Variants in ZIK1 observed in about 807,000 individuals in gnomAD.
ZIK1 encodes zinc finger protein interacting with K protein 1.
A neutral mutation model predicts 10.7 loss-of-function variants in ZIK1; 12 were observed. The observed-to-expected ratio is 1.12, with a 90% CI of 0.72 to 1.81. The LOEUF is 1.81. Among genes scored for constraint, ZIK1 ranks in the 40% most tolerant of loss-of-function variants. The probability of loss-of-function intolerance (pLI) is 0.00; values close to 1 mark genes in which losing one functional copy is unlikely to be tolerated. For missense variants in ZIK1, 497 were observed against 585.7 expected (o/e 0.85, Z 1.56); for synonymous variants, 190 against 205.0 (o/e 0.93, Z 0.63).
Position 57,591,742 on chromosome 19 carries a change from T to A in ZIK1, c.*467T>A, listed in dbSNP as rs1423588234. On this transcript the variant is annotated 3_prime_UTR_variant, in exon 4 of 4. Transcript: ENST00000597850. The stretch of plus-strand genomic sequence containing the variant: ...CTTGGTCTCACATGACACTTGGTCA[T>A]TCTTCCAGCCTCCATGTCACCACGT... 2 of 158,388 alleles carry A rather than the reference T, an allele frequency of 1.3e-5. No homozygotes were observed. Among genetic ancestry groups the A allele is most frequent in the Non-Finnish European group, 2.8e-5 (2 of 71,812 alleles). 9.8% of individuals were successfully genotyped at this position (158,388 alleles called of 1,614,324 possible).
At chr19:57,589,866 G>A (rs2123426791) in intron 3 of ZIK1, 145 bp from the exon 4 acceptor site, 2 of 1,148,532 alleles carry the variant, frequency 1.7e-6, no homozygotes, top group Middle Eastern at 3.0e-4. Context: ...ATCCAGTATT[G>A]CAAAGCAACC....
intron 2 of ZIK1, 111 bp downstream of exon 2, chr19:57,585,101 G>T: frequency 1.0e-6 from 1 of 979,498 alleles, no homozygotes. Context: ...TTCACAAACT[G>T]GAAGCTTGAC....
Position 57,590,394 on chromosome 19 carries a change from G to T in ZIK1, c.583G>T (p.Gly195Cys). 1 of 1,614,152 alleles carries T rather than the reference G, an allele frequency of 6.2e-7. No individual in the cohort carries two copies. Among genetic ancestry groups the T allele is most frequent in the South Asian group, 1.1e-5 (1 of 91,084 alleles). The change falls in exon 4 of 4, where the codon GGC (glycine) becomes TGC (cysteine). Residue 195 changes from glycine (G) to cysteine (C), a missense_variant. Transcript: ENST00000597850. Reference sequence around the variant, plus strand: ...GGTCTTTCCTGGAGGCAAGAAACCCGGCACAATTACTGAATGTGGGGAGGA... The same window carrying T: ...GGTCTTTCCTGGAGGCAAGAAACCCTGCACAATTACTGAATGTGGGGAGGA... ...SLVFPGGKKP[G>C]TITECGEDIR...
At position 57,590,443 on chromosome 19, in the gene ZIK1, A is replaced by G. The variant is rs541875677; in HGVS notation, c.632A>G (p.Tyr211Cys). The G allele has an allele frequency of 3.1e-6, 5 of 1,614,168 alleles. No individual in the cohort carries two copies. Among genetic ancestry groups the G allele is most frequent in the African/African-American group, 2.7e-5 (2 of 75,046 alleles). ...GEDIRSQKSHYKSGECGKASR... is the reference protein window; with the variant it reads ...GEDIRSQKSHCKSGECGKASR... ...GACATTCGCAGTCAAAAAAGTCATT[A>G]CAAGTCAGGTGAATGTGGGAAGGCT... Residue 211 changes from tyrosine (Y) to cysteine (C), a missense_variant, in exon 4 of 4, where the codon TAC becomes TGC. Transcript: ENST00000597850.
chr19:57,589,314 G>A (rs936906923), intron 3 of ZIK1: 11 of 985,200 alleles, frequency 1.1e-5, no homozygotes, highest in South Asian at 9.4e-5. Context: ...CATGATATCC[G>A]GGCTGTTTTC....
Position 57,590,583 on chromosome 19 carries a change from C to CAG in ZIK1, c.777_778dup (p.Val260GlufsTer24). ...TGGCAAGTACTCACTTGTTCAGCAC[C>CAG]AGAGAGTCCATACTGGAGAAAGGCC... is the stretch of plus-strand genomic sequence containing the variant. On this transcript the variant is annotated frameshift_variant, in exon 4 of 4. Transcript: ENST00000597850. LOFTEE classifies it low-confidence loss of function (END_TRUNC). 1 of 1,614,186 alleles carries CAG rather than the reference C, an allele frequency of 6.2e-7. No homozygotes were observed. Among genetic ancestry groups the CAG allele is most frequent in the Middle Eastern group, 1.6e-4 (1 of 6,062 alleles).
At chr19:57,589,471 C>T (rs1440882459) in intron 3 of ZIK1, 4 of 985,326 alleles carry the variant, frequency 4.1e-6, no homozygotes, top group Non-Finnish European at 4.8e-6. Context: ...TGGCTACCTC[C>T]ACCTTTCTGA....
In ZIK1 at chr19:57,590,114, C is replaced by G; in HGVS notation, c.303C>G (p.Ser101=). Residue 101 remains serine (S), a synonymous_variant, in exon 4 of 4, where the codon TCC becomes TCG. Coordinates refer to ENST00000597850, the MANE Select transcript of ZIK1 (RefSeq NM_001010879.4). ...KAGSSTQKTQ[S]CEMCVPVLKD... ...GTTCATCCACACAGAAGACTCAATC[C>G]TGTGAGATGTGTGTCCCAGTCCTGA... 1 of 1,614,162 alleles carries G rather than the reference C, an allele frequency of 6.2e-7. No homozygotes were observed. The highest frequency in any genetic ancestry group is 8.5e-7 in the Non-Finnish European group (1 of 1,180,030).
intron 3 of ZIK1, 79 bp from the exon 4 acceptor site, chr19:57,589,932 T>G: frequency 6.8e-7 from 1 of 1,477,320 alleles, no homozygotes; most frequent in Non-Finnish European, 9.1e-7. Flanking sequence ...GGTGAATCAT[T>G]CGTTTGGTAT....
At chr19:57,588,390 T>C (rs1979346833) in intron 2 of ZIK1, 149 bp from the exon 3 acceptor site, 2 of 987,158 alleles carry the variant, frequency 2.0e-6, no homozygotes, top group African/African-American at 3.3e-5. Context: ...GTTGGTGCTG[T>C]AGAAGGATAC....
chr19:57,588,343 C>T (rs76229912), intron 2 of ZIK1, among the ~76,000 whole-genome samples, 196 bp from the exon 3 acceptor site: 2,027 of 152,066 alleles, frequency 0.013, 85 homozygotes, highest in East Asian at 0.11. Context: ...CATACCGGGC[C>T]CAAAGTTTAG....
Position 57,591,406 on chromosome 19 carries a change from A to T in ZIK1, c.*131A>T, listed in dbSNP as rs1979690265. ...AGTGCTGTCTCTGTAGTATTGTAGC[A>T]GTAGAGAGCCTTTGTGAGGGAGCCA... On this transcript the variant is annotated 3_prime_UTR_variant, in exon 4 of 4. Coordinates refer to ENST00000597850, the MANE Select transcript of ZIK1 (RefSeq NM_001010879.4). 1 of 926,740 alleles carries T rather than the reference A, an allele frequency of 1.1e-6. No homozygotes were observed. Among genetic ancestry groups the T allele is most frequent in the Non-Finnish European group, 1.6e-6 (1 of 631,418 alleles). The allele number at this position is 926,740 out of a possible 1,614,324, so 57.4% of individuals were successfully genotyped here.
rs978665148 is a variant in ZIK1 at position 57,590,039 on chromosome 19, G to T, written c.228G>T (p.Glu76Asp). The T allele has an allele frequency of 6.2e-7, 1 of 1,613,972 alleles. No homozygotes were observed. The highest frequency in any genetic ancestry group is 1.3e-5 in the African/African-American group (1 of 74,944). ...LGCGHGTEDE[E>D]TPSDQNVSVG... ...GTGGCCATGGAACAGAGGATGAAGA[G>T]ACACCTTCTGACCAGAATGTTTCTG... Residue 76 changes from glutamate to aspartate, a missense_variant, in exon 4 of 4, where the codon GAG becomes GAT. Glu to Asp is a conservative substitution (Grantham distance 45, BLOSUM62 2). Transcript: ENST00000597850.
rs181439390 is a variant in ZIK1 at position 57,591,637 on chromosome 19, G to A, written c.*362G>A. The stretch of plus-strand genomic sequence containing the variant: ...TTTTTTCTGACTGATCACAGCATAC[G>A]TGTGACCCAGTTTGGGTCAGGAGGG... On this transcript the variant is annotated 3_prime_UTR_variant, in exon 4 of 4. Coordinates refer to ENST00000597850, the MANE Select transcript of ZIK1 (RefSeq NM_001010879.4). 19 of 195,852 alleles carry A rather than the reference G, an allele frequency of 9.7e-5. No homozygotes were observed. Among genetic ancestry groups the A allele is most frequent in the East Asian group, 8.2e-4 (7 of 8,486 alleles). The allele number at this position is 195,852 out of a possible 1,614,324, so 12.1% of individuals were successfully genotyped here.
In ZIK1 at chr19:57,591,289, G is replaced by A; in HGVS notation, c.*14G>A. 1 of 1,581,828 alleles carries A rather than the reference G, an allele frequency of 6.3e-7. No individual in the cohort carries two copies. The highest frequency in any genetic ancestry group is 8.6e-7 in the Non-Finnish European group (1 of 1,164,402). On this transcript the variant is annotated 3_prime_UTR_variant, in exon 4 of 4. Coordinates refer to ENST00000597850, the MANE Select transcript of ZIK1 (RefSeq NM_001010879.4). ...CATAACACATAGAGGCCTCATGAAT[G>A]CAGCAAATGTGGAAGCGCCTTCAAC...
chr19:57,584,317 T>C lies in ZIK1; in HGVS notation c.-40T>C, dbSNP rs1978928270. The stretch of plus-strand genomic sequence containing the variant: ...GGCTTTGCCTAGGTCCCTCCGCCCG[T>C]AGCTGTCGGGTCCCGGCCCCGCTCT... On this transcript the variant is annotated 5_prime_UTR_variant, in exon 1 of 4. Transcript: ENST00000597850. 1.9e-6 allele frequency: 3 copies of C among 1,563,596 alleles called. No homozygotes were observed. Among genetic ancestry groups the C allele is most frequent in the Non-Finnish European group, 2.6e-6 (3 of 1,154,620 alleles).
Position 57,591,611 on chromosome 19 carries a change from C to CT in ZIK1, c.*342dup, listed in dbSNP as rs1483589109. 6 of 256,772 alleles carry CT rather than the reference C, an allele frequency of 2.3e-5. No homozygotes were observed. Among genetic ancestry groups the CT allele is most frequent in the Non-Finnish European group, 4.5e-5 (6 of 132,996 alleles). 15.9% of individuals were successfully genotyped at this position (256,772 alleles called of 1,614,324 possible). A position where few individuals can be genotyped will look rare whatever the true frequency, so the allele number is the denominator to read the frequency against. On this transcript the variant is annotated 3_prime_UTR_variant, in exon 4 of 4. Coordinates refer to ENST00000597850, the MANE Select transcript of ZIK1 (RefSeq NM_001010879.4). The stretch of plus-strand genomic sequence containing the variant: ...TCTAAGCCTTTAGAGAAAATTCATT[C>CT]TTTTTTCTGACTGATCACAGCATAC...
intron 2 of ZIK1, 75 bp downstream of exon 2, chr19:57,585,065 C>A: frequency 6.8e-7 from 1 of 1,466,698 alleles, no homozygotes; most frequent in Non-Finnish European, 9.3e-7. Context: ...TTTTTGCCAC[C>A]ATCCAGTTCT....
intron 3 of ZIK1, chr19:57,589,683 C>T (rs1979486014): frequency 1.0e-6 from 1 of 985,424 alleles, no homozygotes. Flanking sequence ...CACCAGCAGA[C>T]AAGGTCCTCC....
Sources: gnomAD v4.1 joint callset for allele counts (sites outside exome capture counted in the v4.1 genomes callset) on GRCh38, gnomAD v4.1.1 for gene constraint, MANE v1.5 for transcripts, NCBI Gene and HGNC (gene_info 2026-07-23, HGNC 2026-07-21) for gene names.